GPD2: variants seen among roughly 807,000 people sequenced by gnomAD.
GPD2 encodes the protein glycerol-3-phosphate dehydrogenase 2.
In GPD2, 54 loss-of-function variants were observed where a neutral mutation model predicts 82.4. That is an observed-to-expected ratio of 0.66 (90% CI 0.53 to 0.82). GPD2 has a LOEUF of 0.82. Ranked by LOEUF, GPD2 falls within the 40% of genes least tolerant of loss-of-function variation. The probability of loss-of-function intolerance (pLI) is 0.00; values close to 1 mark genes in which losing one functional copy is unlikely to be tolerated. For missense variants in GPD2, 748 were observed against 896.2 expected (o/e 0.83, Z 2.11); for synonymous variants, 288 against 306.1 (o/e 0.94, Z 0.62).
chr2:156,466,612 T>C (rs1683157148), intron 1 of GPD2, among the ~76,000 whole-genome samples: 1 of 152,214 alleles, frequency 6.6e-6, no homozygotes, highest in Admixed American at 6.5e-5. Flanking sequence ...CGTGTATCCT[T>C]GTGTTCCTCT....
chr2:156,470,082 C>T (rs1308589939), intron 1 of GPD2, among the ~76,000 whole-genome samples: 1 of 152,174 alleles, frequency 6.6e-6, no homozygotes, highest in Non-Finnish European at 1.5e-5. Flanking sequence ...GCTTATTTTA[C>T]CCAGCTCCTA....
In GPD2 at chr2:156,554,485, A is replaced by G. The variant is rs188073559; in HGVS notation, c.972-2904A>G. Among the ~76,000 whole-genome samples, 1,230 of 152,344 alleles carry G rather than the reference A, an allele frequency of 8.1e-3. 5 individuals carry two copies. The highest frequency in any genetic ancestry group is 0.012 in the Non-Finnish European group (805 of 68,018). On this transcript the variant is annotated intron_variant, in intron 8 of 16. Coordinates refer to ENST00000438166, the MANE Select transcript of GPD2 (RefSeq NM_000408.5). ...TTGGGCTGTTTTCAGAAGTATCTTT[A>G]CAGCATTTGTTAATTTTGTTGTAAC... is the stretch of plus-strand genomic sequence containing the variant.
chr2:156,565,572 G>A (rs948045502), intron 9 of GPD2, among the ~76,000 whole-genome samples: 8 of 152,006 alleles, frequency 5.3e-5, no homozygotes, highest in African/African-American at 1.7e-4. Context: ...GGCTTTCCTC[G>A]CCAGTTAATT....
the GPD2 span, among the ~76,000 whole-genome samples, chr2:156,403,049 A>G: frequency 6.7e-6 from 1 of 149,184 alleles, no homozygotes; most frequent in East Asian, 2.0e-4. Flanking sequence ...CCTGAGGTCA[A>G]AGCTGCAGAG....
intron 6 of GPD2, among the ~76,000 whole-genome samples, chr2:156,534,687 G>GT (rs2105311521): frequency 6.6e-6 from 1 of 152,148 alleles, no homozygotes; most frequent in East Asian, 1.9e-4. Context: ...ATTCTCAGTT[G>GT]TTTTTTCACA....
chr2:156,537,226 CAGGATTGACTT>C (rs1042389901), intron 6 of GPD2, among the ~76,000 whole-genome samples: 18 of 152,130 alleles, frequency 1.2e-4, no homozygotes, highest in African/African-American at 4.1e-4. Context: ...CAGGGGCTGC[CAGGATTGACTT>C]AGGATTGACT....
intron 1 of GPD2, among the ~76,000 whole-genome samples, chr2:156,474,502 C>T (rs1042038910): frequency 1.3e-5 from 2 of 152,086 alleles, no homozygotes; most frequent in African/African-American, 4.8e-5. Flanking sequence ...GTGCTCCACC[C>T]CTACAAGGAA....
chr2:156,537,275 G>T (rs1686118329), intron 6 of GPD2, among the ~76,000 whole-genome samples: 1 of 152,214 alleles, frequency 6.6e-6, no homozygotes, highest in Non-Finnish European at 1.5e-5. Context: ...TGACCCTGCA[G>T]GTTGAATGCT....
intron 1 of GPD2, among the ~76,000 whole-genome samples, chr2:156,437,735 GCATTA>G (rs1682002576): frequency 6.6e-6 from 1 of 152,104 alleles, no homozygotes; most frequent in Admixed American, 6.5e-5. Context: ...ATTCTAAACA[GCATTA>G]GAGCTCTGCT....
intron 6 of GPD2, among the ~76,000 whole-genome samples, chr2:156,525,234 A>C (rs1423755377): frequency 6.6e-6 from 1 of 152,186 alleles, no homozygotes; most frequent in East Asian, 1.9e-4. Flanking sequence ...AGAATTATTG[A>C]TGTTCATATT....
chr2:156,558,652 C>T (rs1171163178), intron 9 of GPD2, among the ~76,000 whole-genome samples: 1 of 151,634 alleles, frequency 6.6e-6, no homozygotes, highest in South Asian at 2.1e-4. Context: ...AGCTGGAGTG[C>T]AATGGTGTGA....
chr2:156,450,665 C>CTTTTTTT (rs776070659), intron 1 of GPD2, among the ~76,000 whole-genome samples: 3 of 71,670 alleles, frequency 4.2e-5, no homozygotes, highest in East Asian at 6.4e-4. Flanking sequence ...ATAGACAACT[C>CTTTTTTT]TTTTTTTTTT....
At chr2:156,579,056 A>G in intron 14 of GPD2, 30 bp from the exon 15 acceptor site, 1 of 1,568,204 alleles carries the variant, frequency 6.4e-7, no homozygotes, top group Non-Finnish European at 8.8e-7. Context: ...ATGTAAGTAT[A>G]TTTTTCCATT....
At chr2:156,485,092 C>T (rs1683890765) in intron 2 of GPD2, among the ~76,000 whole-genome samples, 1 of 152,212 alleles carries the variant, frequency 6.6e-6, no homozygotes, top group African/African-American at 2.4e-5. Flanking sequence ...AATGTCAGGA[C>T]TTCCTTCTTC....
At chr2:156,402,113 C>T in the GPD2 span, among the ~76,000 whole-genome samples, 2 of 152,178 alleles carry the variant, frequency 1.3e-5, no homozygotes, top group African/African-American at 2.4e-5. Context: ...AGCTGAGGCT[C>T]GTAGAGGCAA....
At chr2:156,443,640 A>C (rs1682256726) in intron 1 of GPD2, among the ~76,000 whole-genome samples, 1 of 152,120 alleles carries the variant, frequency 6.6e-6, no homozygotes, top group South Asian at 2.1e-4. Flanking sequence ...GAGGTTTAAT[A>C]TCTTAAGGAT....
chr2:156,426,150 C>G, the GPD2 span, among the ~76,000 whole-genome samples: 19 of 152,076 alleles, frequency 1.2e-4, no homozygotes, highest in Non-Finnish European at 2.5e-4. Context: ...GTCTCGATCT[C>G]CTGACCTCGT....
intron 6 of GPD2, among the ~76,000 whole-genome samples, chr2:156,539,698 C>G (rs551157686): frequency 6.6e-6 from 1 of 152,166 alleles, no homozygotes; most frequent in South Asian, 2.1e-4. Context: ...TGAGCCATTC[C>G]AGCATTTTGT....
At chr2:156,407,451 TATC>T in the GPD2 span, among the ~76,000 whole-genome samples, 1 of 152,218 alleles carries the variant, frequency 6.6e-6, no homozygotes, top group Non-Finnish European at 1.5e-5. Context: ...GAGCTAACTT[TATC>T]TTTTTAGTGG....
Sources: gnomAD v4.1 joint callset for allele counts (sites outside exome capture counted in the v4.1 genomes callset) on GRCh38, gnomAD v4.1.1 for gene constraint, MANE v1.5 for transcripts, NCBI Gene and HGNC (gene_info 2026-07-23, HGNC 2026-07-21) for gene names.